The following STX8 variants were observed in gnomAD, a reference collection of about 807,000 sequenced individuals.
STX8 encodes the protein syntaxin-8.
In STX8, 23 loss-of-function variants were observed where a neutral mutation model predicts 37.5. The observed-to-expected ratio is 0.61, with a 90% confidence interval of 0.44 to 0.87. The LOEUF (loss-of-function observed/expected upper bound fraction) is 0.87, where lower values mean the gene tolerates loss of function less well. STX8 is among the 40% of genes least tolerant of loss of function. The pLI is 0.00. For missense variants in STX8, 313 were observed against 284.7 expected (o/e 1.10, Z -0.71); for synonymous variants, 115 against 99.1 (o/e 1.16, Z -0.95).
chr17:9,409,116 C>G (rs1272679317), intron 6 of STX8, among the ~76,000 whole-genome samples: 1 of 151,612 alleles, frequency 6.6e-6, no homozygotes, highest in Non-Finnish European at 1.5e-5. Flanking sequence ...GTTAGACATG[C>G]AGAATCTCAG....
chr17:9,492,925 C>T (rs1906916869), intron 5 of STX8, among the ~76,000 whole-genome samples: 3 of 152,074 alleles, frequency 2.0e-5, no homozygotes, highest in Admixed American at 1.3e-4. Flanking sequence ...GAAACCCCGT[C>T]TCTACTAAAA....
At chr17:9,253,904 G>C (rs577966298) in intron 7 of STX8, among the ~76,000 whole-genome samples, 1 of 152,290 alleles carries the variant, frequency 6.6e-6, no homozygotes, top group East Asian at 1.9e-4. Context: ...TCTGGTTTTG[G>C]TTCATACACC....
chr17:9,563,386 G>A (rs1290160329), intron 2 of STX8, among the ~76,000 whole-genome samples: 1 of 152,002 alleles, frequency 6.6e-6, no homozygotes, highest in Non-Finnish European at 1.5e-5. Flanking sequence ...GTTTCACCAT[G>A]TTGGCCAGGC....
intron 6 of STX8, among the ~76,000 whole-genome samples, chr17:9,406,086 G>A (rs1485625808): frequency 1.3e-5 from 2 of 152,178 alleles, no homozygotes; most frequent in African/African-American, 4.8e-5. Flanking sequence ...ACGGCTTCAT[G>A]TATTTCCTTT....
chr17:9,369,796 G>T (rs1210530212), intron 7 of STX8, among the ~76,000 whole-genome samples: 3 of 150,434 alleles, frequency 2.0e-5, no homozygotes, highest in Non-Finnish European at 4.4e-5. Context: ...AGCAGGCTCA[G>T]GTGGGAGGCT....
At chr17:9,314,438 C>T (rs1230673388) in intron 7 of STX8, among the ~76,000 whole-genome samples, 2 of 152,084 alleles carry the variant, frequency 1.3e-5, no homozygotes, top group African/African-American at 4.8e-5. Context: ...CACTCTCTCT[C>T]CCAGTCTGGA....
chr17:9,386,144 G>C (rs1237952940), intron 6 of STX8, among the ~76,000 whole-genome samples: 1 of 144,694 alleles, frequency 6.9e-6, no homozygotes, highest in African/African-American at 2.5e-5. Flanking sequence ...AATATACATA[G>C]CAACCTTATT....
At chr17:9,406,372 C>G (rs1035681894) in intron 6 of STX8, among the ~76,000 whole-genome samples, 1 of 152,116 alleles carries the variant, frequency 6.6e-6, no homozygotes, top group African/African-American at 2.4e-5. Context: ...TTTACTGGAG[C>G]GATAACTGCT....
chr17:9,490,513 A>C (rs1249933172), intron 6 of STX8, among the ~76,000 whole-genome samples: 1 of 152,140 alleles, frequency 6.6e-6, no homozygotes, highest in African/African-American at 2.4e-5. Context: ...CTGTGACTAC[A>C]GGTGTGGGCC....
chr17:9,511,928 G>A (rs1905029940), intron 4 of STX8, among the ~76,000 whole-genome samples: 1 of 152,008 alleles, frequency 6.6e-6, no homozygotes, highest in Non-Finnish European at 1.5e-5. Flanking sequence ...AAATCAGTAA[G>A]TGGTGTTTCT....
rs994940334 is a variant in STX8 at position 9,529,439 on chromosome 17, CT to C, written c.323+15732del. Among the ~76,000 whole-genome samples, 259 of 152,220 alleles carry C rather than the reference CT, an allele frequency of 1.7e-3. 1 individual carries two copies. Among genetic ancestry groups the C allele is most frequent in the African/African-American group, 5.7e-3 (237 of 41,524 alleles). On this transcript the variant is annotated intron_variant, in intron 4 of 7. Coordinates refer to ENST00000306357, the MANE Select transcript of STX8 (RefSeq NM_004853.3). ...CACTTATTCTTTAATTCAAGTAGAA[CT>C]TACAAACAGAAAAATCCCCAGTGTA...
rs536278678 is a variant in STX8 at position 9,292,888 on chromosome 17, C to A, written c.644-42243G>T. Among the ~76,000 whole-genome samples the A allele has an allele frequency of 8.3e-4, 127 of 152,334 alleles. 1 individual carries two copies. The highest frequency in any genetic ancestry group is 1.5e-3 in the Non-Finnish European group (102 of 68,042). On this transcript the variant is annotated intron_variant, in intron 7 of 7. Transcript: ENST00000306357. Reference sequence around the variant, plus strand: ...CTAGCTATTCAGCTCTCATGCCCCCCATCTTCTCTCCAAACACAAGGCCTT... The same window carrying A: ...CTAGCTATTCAGCTCTCATGCCCCCAATCTTCTCTCCAAACACAAGGCCTT...
In STX8 at chr17:9,463,934, G is replaced by T. The variant is rs1332577209; in HGVS notation, c.541+27895C>A. On this transcript the variant is annotated intron_variant, in intron 6 of 7. Coordinates refer to ENST00000306357, the MANE Select transcript of STX8 (RefSeq NM_004853.3). ...AAAAAAAAAAAAAAAATTTAGCTGG[G>T]TGTGGTGGTGTGCACCTGTAGTCCC... is the stretch of plus-strand genomic sequence containing the variant. Among the ~76,000 whole-genome samples the T allele has an allele frequency of 3.9e-5, 6 of 151,910 alleles. No individual in the cohort carries two copies. In the East Asian group the frequency reaches 1.2e-3, roughly 29 times the overall value.
intron 7 of STX8, among the ~76,000 whole-genome samples, chr17:9,299,158 AAC>A (rs556736627): frequency 4.4e-4 from 67 of 152,286 alleles, no homozygotes; most frequent in Admixed American, 4.0e-3. Flanking sequence ...ACTGGTGACC[AAC>A]ACAAGCCTTC....
At chr17:9,498,566 AGTTTTCT>A (rs1404373133) in intron 5 of STX8, among the ~76,000 whole-genome samples, 2 of 152,200 alleles carry the variant, frequency 1.3e-5, no homozygotes, top group Non-Finnish European at 2.9e-5. Context: ...CTTCAAAGAA[AGTTTTCT>A]GTGAAGCTGT....
chr17:9,453,797 G>A (rs1006829240), intron 6 of STX8, among the ~76,000 whole-genome samples: 15 of 152,090 alleles, frequency 9.9e-5, no homozygotes, highest in Middle Eastern at 3.4e-3. Context: ...CTGGCTACTT[G>A]TCTTTCTTAT....
intron 6 of STX8, among the ~76,000 whole-genome samples, chr17:9,438,348 G>C (rs931348424): frequency 7.6e-6 from 1 of 131,700 alleles, no homozygotes. Flanking sequence ...TCGTATAAAT[G>C]CAAGTGTGCG....
chr17:9,553,121 A>G (rs1399968376), intron 3 of STX8: 1 of 152,198 alleles, frequency 6.6e-6, no homozygotes, highest in Non-Finnish European at 1.5e-5. Context: ...AGAAGATGGT[A>G]CTAAGTATCT....
intron 1 of STX8, among the ~76,000 whole-genome samples, chr17:9,575,499 G>A (rs1907870517): frequency 2.0e-5 from 3 of 152,298 alleles, no homozygotes; most frequent in East Asian, 1.9e-4. Flanking sequence ...AAACCAGGAT[G>A]GGCGGGAAAT....
Sources: allele counts gnomAD v4.1 joint callset (sites outside exome capture counted in the v4.1 genomes callset), GRCh38; gene constraint gnomAD v4.1.1; transcripts MANE v1.5; gene names NCBI Gene and HGNC (gene_info 2026-07-23, HGNC 2026-07-21).